Variants in TAFA4 observed in about 807,000 individuals in gnomAD.
TAFA4 encodes the protein TAFA chemokine like family member 4.
TAFA4 carries 20 observed loss-of-function variants against 21.1 expected under a neutral mutation model. The observed-to-expected ratio is 0.95, with a 90% confidence interval of 0.67 to 1.38. The LOEUF is 1.38. TAFA4 is among the 40% of genes most tolerant of loss of function. The pLI is 0.00. For synonymous variants in TAFA4, 71 were observed against 67.4 expected (o/e 1.05, Z -0.26); for missense variants, 211 against 180.9 (o/e 1.17, Z -0.95).
intron 1 of TAFA4, among the ~76,000 whole-genome samples, chr3:68,893,434 C>G (rs1202558293): frequency 2.6e-5 from 4 of 152,100 alleles, no homozygotes; most frequent in African/African-American, 2.4e-5. Context: ...ATCTTGCATA[C>G]CGTGGAAGTT....
chr3:68,912,063 T>C (rs987387227), intron 1 of TAFA4, among the ~76,000 whole-genome samples: 2 of 152,172 alleles, frequency 1.3e-5, no homozygotes, highest in Non-Finnish European at 2.9e-5. Flanking sequence ...TCCTGTACTT[T>C]CGTTCTGTTT....
At chr3:68,829,791 G>T (rs1704339164) in intron 3 of TAFA4, among the ~76,000 whole-genome samples, 2 of 152,186 alleles carry the variant, frequency 1.3e-5, no homozygotes, top group South Asian at 4.1e-4. Context: ...ACCTCTGGTA[G>T]AATTCAGCTT....
At chr3:68,896,832 A>G (rs1364495752) in intron 1 of TAFA4, among the ~76,000 whole-genome samples, 1 of 152,226 alleles carries the variant, frequency 6.6e-6, no homozygotes, top group Admixed American at 6.5e-5. Flanking sequence ...CGAACTAACT[A>G]TAAGGTCCAA....
At chr3:68,819,812 G>T (rs1360116130) in intron 3 of TAFA4, among the ~76,000 whole-genome samples, 1 of 152,176 alleles carries the variant, frequency 6.6e-6, no homozygotes, top group African/African-American at 2.4e-5. Context: ...GCAGAGAAAA[G>T]GGAACGCTTA....
chr3:68,819,422 C>A (rs1418625995), intron 3 of TAFA4, among the ~76,000 whole-genome samples: 1 of 152,094 alleles, frequency 6.6e-6, no homozygotes, highest in Non-Finnish European at 1.5e-5. Context: ...AAGTGTGGGC[C>A]TCCTTATCTT....
chr3:68,798,428 C>G (rs1703499629), intron 3 of TAFA4, among the ~76,000 whole-genome samples: 1 of 152,006 alleles, frequency 6.6e-6, no homozygotes, highest in East Asian at 1.9e-4. Context: ...TAAGTGCAAA[C>G]AAAATTAAAA....
At chr3:68,786,716 G>C (rs1316753215) in intron 3 of TAFA4, among the ~76,000 whole-genome samples, 1 of 152,194 alleles carries the variant, frequency 6.6e-6, no homozygotes, top group Non-Finnish European at 1.5e-5. Flanking sequence ...ATGCACGAAA[G>C]TGATTTGTAA....
intron 3 of TAFA4, among the ~76,000 whole-genome samples, chr3:68,814,719 G>A (rs143365264): frequency 0.086 from 13,028 of 152,154 alleles, 684 homozygotes; most frequent in African/African-American, 0.14. Flanking sequence ...AATCAGTATC[G>A]TGAAAATGGC....
chr3:68,757,804 T>C (rs983319820), intron 3 of TAFA4, among the ~76,000 whole-genome samples: 3 of 152,210 alleles, frequency 2.0e-5, no homozygotes, highest in African/African-American at 7.2e-5. Context: ...ACATAACTAA[T>C]AGCACCTTAC....
chr3:68,799,904 G>A (rs868494080), intron 3 of TAFA4, among the ~76,000 whole-genome samples: 1 of 152,008 alleles, frequency 6.6e-6, no homozygotes, highest in Non-Finnish European at 1.5e-5. Context: ...CCTGAGCTCC[G>A]CCTCCTGTCA....
chr3:68,883,300 A>C (rs1424231593), intron 2 of TAFA4, among the ~76,000 whole-genome samples: 1 of 152,190 alleles, frequency 6.6e-6, no homozygotes, highest in Non-Finnish European at 1.5e-5. Flanking sequence ...CAAGCCCTTC[A>C]TGTCTTTGCC....
At chr3:68,789,230 CAAAA>C (rs11328882) in intron 3 of TAFA4, among the ~76,000 whole-genome samples, 2 of 120,152 alleles carry the variant, frequency 1.7e-5, no homozygotes, top group Admixed American at 8.4e-5. Flanking sequence ...GACTCCGTCT[CAAAA>C]AAAAAAAAAA....
intron 3 of TAFA4, among the ~76,000 whole-genome samples, chr3:68,783,159 C>T (rs1039680636): frequency 6.6e-6 from 1 of 152,110 alleles, no homozygotes; most frequent in African/African-American, 2.4e-5. Context: ...ATACAGAAAA[C>T]CTATAGCAAA....
chr3:68,762,582 A>G (rs1207045758), intron 3 of TAFA4, among the ~76,000 whole-genome samples: 1 of 152,144 alleles, frequency 6.6e-6, no homozygotes, highest in Admixed American at 6.5e-5. Context: ...TTTGCTATGC[A>G]CTTCTTAAAT....
chr3:68,740,597 T>C (rs1249913957), intron 4 of TAFA4, among the ~76,000 whole-genome samples: 1 of 152,214 alleles, frequency 6.6e-6, no homozygotes, highest in Non-Finnish European at 1.5e-5. Flanking sequence ...TCTTAACTCC[T>C]TATCAGATAT....
chr3:68,908,463 T>C (rs1195460909), intron 1 of TAFA4, among the ~76,000 whole-genome samples: 2 of 151,566 alleles, frequency 1.3e-5, no homozygotes, highest in African/African-American at 4.9e-5. Context: ...CCACTAAATT[T>C]GGGAATGACC....
At chr3:68,831,496 T>C (rs1305548823) in intron 3 of TAFA4, among the ~76,000 whole-genome samples, 1 of 152,052 alleles carries the variant, frequency 6.6e-6, no homozygotes, top group Non-Finnish European at 1.5e-5. Context: ...CTTTTAAGAA[T>C]GTTGAATATT....
Position 68,872,140 on chromosome 3 carries a change from G to C in TAFA4, c.130+8590C>G, listed in dbSNP as rs990589880. Among the ~76,000 whole-genome samples the C allele has an allele frequency of 2.6e-5, 4 of 151,974 alleles. No homozygotes were observed. In the South Asian group the frequency reaches 8.3e-4, roughly 32 times the overall value. On this transcript the variant is annotated intron_variant, in intron 3 of 5. Transcript: ENST00000295569. ...CCATATTTACAGCAGCCAAGATATGGGAACAACGTAAGTGTCCATCACTGG... is the reference window on the plus strand; with the variant it reads ...CCATATTTACAGCAGCCAAGATATGCGAACAACGTAAGTGTCCATCACTGG...
intron 3 of TAFA4, among the ~76,000 whole-genome samples, chr3:68,756,002 TGG>T (rs1258419914): frequency 6.6e-6 from 1 of 152,148 alleles, no homozygotes; most frequent in African/African-American, 2.4e-5. Context: ...ATTGGTCACA[TGG>T]ATAAGTGTGG....
Sources: gnomAD v4.1 joint callset for allele counts (sites outside exome capture counted in the v4.1 genomes callset) on GRCh38, gnomAD v4.1.1 for gene constraint, MANE v1.5 for transcripts, NCBI Gene and HGNC (gene_info 2026-07-23, HGNC 2026-07-21) for gene names.